Variants in PCDHA4 observed in about 807,000 individuals in gnomAD.
PCDHA4 encodes protocadherin alpha 4, also known as protocadherin alpha-4.
A neutral mutation model predicts 61.4 loss-of-function variants in PCDHA4; 49 were observed. That is an observed-to-expected ratio of 0.80 (90% CI 0.63 to 1.01). PCDHA4 has a LOEUF of 1.01. Ranked by LOEUF, PCDHA4 falls within the 50% of genes least tolerant of loss-of-function variation. The pLI, the probability that PCDHA4 is intolerant of heterozygous loss-of-function variation, is 0.00. For missense variants in PCDHA4, 1,254 were observed against 1,235.8 expected, an observed-to-expected ratio of 1.01 and a Z score of -0.22; for synonymous variants, 590 against 550.3, an observed-to-expected ratio of 1.07 and a Z score of -1.01.
intron 1 of PCDHA4, chr5:140,928,165 C>G: frequency 6.2e-7 from 1 of 1,614,200 alleles, no homozygotes; most frequent in Non-Finnish European, 8.5e-7. Context: ...CTCACCCCCA[C>G]TTAGCACCCG....
At chr5:140,848,863 T>G (rs1581167323) in intron 1 of PCDHA4, 1 of 1,589,778 alleles carries the variant, frequency 6.3e-7, no homozygotes, top group African/African-American at 1.4e-5. Context: ...GACGTGGAGG[T>G]GAAGGACATT....
chr5:140,961,672 A>T (rs1463428757), intron 1 of PCDHA4, among the ~76,000 whole-genome samples: 2 of 152,182 alleles, frequency 1.3e-5, no homozygotes, highest in East Asian at 3.8e-4. Flanking sequence ...ACCAGTTTTT[A>T]ATTAAGCCGG....
chr5:140,902,767 G>A (rs1038910114), intron 1 of PCDHA4, among the ~76,000 whole-genome samples: 2 of 145,672 alleles, frequency 1.4e-5, no homozygotes, highest in African/African-American at 5.0e-5. Flanking sequence ...TTATGTCTTT[G>A]CATTCTCATA....
At chr5:140,924,992 G>T (rs1383717650) in intron 1 of PCDHA4, among the ~76,000 whole-genome samples, 3 of 151,676 alleles carry the variant, frequency 2.0e-5, no homozygotes, top group African/African-American at 7.3e-5. Context: ...TGTAATCCTA[G>T]CACTTTAGGA....
intron 1 of PCDHA4, among the ~76,000 whole-genome samples, chr5:140,826,903 G>C (rs1769108708): frequency 6.6e-6 from 1 of 152,118 alleles, no homozygotes; most frequent in Non-Finnish European, 1.5e-5. Flanking sequence ...AGATAAATAT[G>C]ATAGCATGTG....
chr5:140,856,342 C>T (rs1286159283), intron 1 of PCDHA4: 3 of 1,598,498 alleles, frequency 1.9e-6, no homozygotes, highest in Non-Finnish European at 2.6e-6. Context: ...GCGGGCGGAG[C>T]GTGGAGTGCA....
chr5:140,837,299 G>A (rs2150274522), intron 1 of PCDHA4: 88,040 of 151,626 alleles, frequency 0.58, 26,686 homozygotes, highest in African/African-American at 0.73. Context: ...ACTTTGTTGA[G>A]ATGTATTTGC....
At chr5:140,880,688 A>T (rs1033069078) in intron 1 of PCDHA4, among the ~76,000 whole-genome samples, 2 of 152,224 alleles carry the variant, frequency 1.3e-5, no homozygotes, top group East Asian at 3.8e-4. Flanking sequence ...GAGAATAGTC[A>T]TGGTTAAGTG....
intron 1 of PCDHA4, chr5:140,852,664 G>A (rs1307508258): frequency 4.1e-6 from 4 of 964,750 alleles, no homozygotes; most frequent in African/African-American, 1.8e-5. Flanking sequence ...CTGTCTATCA[G>A]CACAACTCAC....
chr5:140,829,249 C>T, intron 1 of PCDHA4: 4 of 1,614,262 alleles, frequency 2.5e-6, no homozygotes, highest in Non-Finnish European at 3.4e-6. Context: ...GGCAGGTGAA[C>T]TGCTCGCTGA....
intron 1 of PCDHA4, chr5:140,836,663 T>A: frequency 3.1e-6 from 5 of 1,613,494 alleles, no homozygotes; most frequent in Middle Eastern, 1.7e-4. Context: ...GGGTGTGCTC[T>A]GGGGAGGGCC....
At chr5:140,890,890 T>C (rs2062844225) in intron 1 of PCDHA4, among the ~76,000 whole-genome samples, 1 of 152,192 alleles carries the variant, frequency 6.6e-6, no homozygotes, top group South Asian at 2.1e-4. Context: ...TCAGGGATTA[T>C]TGTCTTTCCA....
Position 140,807,856 on chromosome 5 carries a change from T to C in PCDHA4, c.669T>C (p.Thr223=), listed in dbSNP as rs781955377. The C allele has an allele frequency of 1.9e-6, 3 of 1,614,214 alleles. No homozygotes were observed. Residue 223 remains threonine, a synonymous_variant, in exon 1 of 4, where the codon ACT becomes ACC. Transcript: ENST00000530339. ...TATDGGKPEL[T]GTVQLLITVL... ...CTGATGGAGGCAAACCCGAGTTGAC[T>C]GGCACCGTTCAGTTACTCATCACAG...
At chr5:140,823,494 C>A (rs2150126388) in intron 1 of PCDHA4, 2 of 1,613,266 alleles carry the variant, frequency 1.2e-6, no homozygotes, top group Admixed American at 1.7e-5. Flanking sequence ...GTGGCACCGG[C>A]GGCGCAGTGA....
At chr5:140,928,690 A>G in intron 1 of PCDHA4, 3 of 1,614,180 alleles carry the variant, frequency 1.9e-6, no homozygotes, top group Non-Finnish European at 2.5e-6. Flanking sequence ...TTCCTACCAC[A>G]TCTCCCGGGC....
chr5:141,005,659 G>A (rs963015988), intron 3 of PCDHA4, among the ~76,000 whole-genome samples: 2 of 123,926 alleles, frequency 1.6e-5, no homozygotes, highest in South Asian at 2.6e-4. Flanking sequence ...TCGAGATCGC[G>A]CCACTGCACT....
At chr5:140,854,746 A>G (rs1562496146) in intron 1 of PCDHA4, 1 of 149,836 alleles carries the variant, frequency 6.7e-6, no homozygotes, top group Non-Finnish European at 1.5e-5. Context: ...CAGCACAGAT[A>G]TATTACATTT....
In PCDHA4 at chr5:140,823,091, G is replaced by A. The variant is rs2150122158; in HGVS notation, c.2385+13519G>A. On this transcript the variant is annotated intron_variant, in intron 1 of 3. Transcript: ENST00000530339. ...TCGCCTTCGCTGTGGGCCACCGCCA[G>A]CGTGTCTGTGGAAGTGGCCGACGTG... The A allele has an allele frequency of 5.0e-6, 8 of 1,614,038 alleles. No individual in the cohort carries two copies. The East Asian group carries it at 6.7e-5, about 13-fold the overall frequency.
intron 1 of PCDHA4, chr5:140,835,448 G>C: frequency 1.9e-6 from 3 of 1,613,886 alleles, no homozygotes; most frequent in African/African-American, 1.3e-5. Flanking sequence ...TCACTTCCCT[G>C]TCTCTCCCTA....
Sources: allele counts gnomAD v4.1 joint callset (sites outside exome capture counted in the v4.1 genomes callset), GRCh38; gene constraint gnomAD v4.1.1; transcripts MANE v1.5; gene names NCBI Gene and HGNC (gene_info 2026-07-23, HGNC 2026-07-21).